CNTNAP2: variants seen among roughly 807,000 people sequenced by gnomAD.
CNTNAP2 encodes contactin associated protein 2, also known as contactin-associated protein-like 2.
CNTNAP2 carries 98 observed loss-of-function variants against 155.2 expected under a neutral mutation model. The ratio of observed to expected loss-of-function variants is 0.63; its 90% confidence interval spans 0.54 to 0.75. The LOEUF is 0.75. Ranked by LOEUF, CNTNAP2 falls within the 30% of genes least tolerant of loss-of-function variation. The probability of loss-of-function intolerance (pLI) is 0.00; values close to 1 mark genes in which losing one functional copy is unlikely to be tolerated. For missense variants in CNTNAP2, 1,727 were observed against 1,688.1 expected, an observed-to-expected ratio of 1.02 and a Z score of -0.40; for synonymous variants, 651 against 631.2, an observed-to-expected ratio of 1.03 and a Z score of -0.47.
intron 1 of CNTNAP2, among the ~76,000 whole-genome samples, chr7:146,475,205 G>A (rs1796860492): frequency 1.3e-5 from 2 of 152,158 alleles, no homozygotes; most frequent in Admixed American, 1.3e-4. Context: ...TATTGGGTAT[G>A]TTTTCTAGCT....
chr7:148,198,054 C>G (rs1476447358), intron 18 of CNTNAP2, among the ~76,000 whole-genome samples: 1 of 152,230 alleles, frequency 6.6e-6, no homozygotes, highest in African/African-American at 2.4e-5. Context: ...CATGGCGGAA[C>G]TGGAAAGTGA....
intron 15 of CNTNAP2, among the ~76,000 whole-genome samples, chr7:147,996,063 T>C (rs556461637): frequency 3.3e-4 from 50 of 152,336 alleles, no homozygotes; most frequent in Admixed American, 1.2e-3. Context: ...TGTTTCTACG[T>C]GCTAGCGAAA....
At chr7:146,633,212 TC>T (rs1464988783) in intron 1 of CNTNAP2, among the ~76,000 whole-genome samples, 5 of 152,216 alleles carry the variant, frequency 3.3e-5, no homozygotes, top group Non-Finnish European at 2.9e-5. Flanking sequence ...AAATTCAAGA[TC>T]TACCAAATAC....
At chr7:148,335,627 A>T (rs1250475671) in intron 21 of CNTNAP2, among the ~76,000 whole-genome samples, 1 of 152,202 alleles carries the variant, frequency 6.6e-6, no homozygotes, top group Non-Finnish European at 1.5e-5. Context: ...AAGAACTGAA[A>T]TGTGATGGCT....
At chr7:146,128,949 G>C (rs6949141) in intron 1 of CNTNAP2, among the ~76,000 whole-genome samples, 45,471 of 151,864 alleles carry the variant, frequency 0.3, 8,000 homozygotes, top group African/African-American at 0.49. Flanking sequence ...TATTTAAAGG[G>C]ACTGTTGTTT....
intron 17 of CNTNAP2, among the ~76,000 whole-genome samples, chr7:148,164,581 C>A (rs1805613229): frequency 6.6e-6 from 1 of 151,320 alleles, no homozygotes; most frequent in South Asian, 2.1e-4. Flanking sequence ...CAACGACACC[C>A]ATCCTAACTC....
intron 9 of CNTNAP2, among the ~76,000 whole-genome samples, chr7:147,316,035 T>A (rs1472519260): frequency 6.6e-6 from 1 of 152,104 alleles, no homozygotes; most frequent in Non-Finnish European, 1.5e-5. Flanking sequence ...TTCCACCTTT[T>A]GGCTATTATA....
At chr7:146,383,393 T>C (rs1385131988) in intron 1 of CNTNAP2, among the ~76,000 whole-genome samples, 1 of 152,160 alleles carries the variant, frequency 6.6e-6, no homozygotes, top group Admixed American at 6.5e-5. Context: ...GGAAAGGTCC[T>C]CAAAATGGGA....
At chr7:148,370,078 G>A (rs1194089780) in intron 21 of CNTNAP2, among the ~76,000 whole-genome samples, 1 of 152,130 alleles carries the variant, frequency 6.6e-6, no homozygotes, top group Non-Finnish European at 1.5e-5. Context: ...GACATATAAT[G>A]TGTCTTTGGG....
intron 1 of CNTNAP2, among the ~76,000 whole-genome samples, chr7:146,674,546 C>T (rs967359131): frequency 3.3e-5 from 5 of 151,970 alleles, no homozygotes; most frequent in Non-Finnish European, 4.4e-5. Context: ...TTCTTAGGTT[C>T]AGTGGCTGAG....
intron 1 of CNTNAP2, among the ~76,000 whole-genome samples, chr7:146,598,604 CT>C (rs950927795): frequency 4.6e-5 from 7 of 151,970 alleles, no homozygotes; most frequent in Non-Finnish European, 1.0e-4. Flanking sequence ...CACAGTTGTC[CT>C]TTTTTTCTGG....
At chr7:146,943,039 G>A (rs1360770843) in intron 3 of CNTNAP2, among the ~76,000 whole-genome samples, 2 of 152,136 alleles carry the variant, frequency 1.3e-5, no homozygotes, top group East Asian at 1.9e-4. Context: ...CTTGAACAAT[G>A]TGAGAATTAA....
At chr7:147,666,397 G>A (rs1795697580) in intron 13 of CNTNAP2, among the ~76,000 whole-genome samples, 1 of 152,174 alleles carries the variant, frequency 6.6e-6, no homozygotes. Flanking sequence ...TTACTCATGT[G>A]TGTGTGGTGA....
At chr7:147,391,128 C>G (rs981586587) in intron 9 of CNTNAP2, among the ~76,000 whole-genome samples, 3 of 152,136 alleles carry the variant, frequency 2.0e-5, no homozygotes, top group Non-Finnish European at 4.4e-5. Context: ...TTTGTGCCAT[C>G]CTCACACCAC....
chr7:147,354,262 G>A (rs1452819322), intron 9 of CNTNAP2, among the ~76,000 whole-genome samples: 1 of 152,016 alleles, frequency 6.6e-6, no homozygotes, highest in African/African-American at 2.4e-5. Context: ...GGTTTTTATG[G>A]TTTTAGGTCT....
chr7:146,721,964 C>A (rs1801344403), intron 1 of CNTNAP2, among the ~76,000 whole-genome samples: 1 of 145,222 alleles, frequency 6.9e-6, no homozygotes, highest in Non-Finnish European at 1.5e-5. Flanking sequence ...CTTCAGCTCA[C>A]TGCAACCTCC....
intron 1 of CNTNAP2, among the ~76,000 whole-genome samples, chr7:146,544,875 A>G (rs887117833): frequency 6.6e-6 from 1 of 151,896 alleles, no homozygotes; most frequent in African/African-American, 2.4e-5. Flanking sequence ...ATCACAGGGT[A>G]CTCTTGTAGC....
intron 11 of CNTNAP2, among the ~76,000 whole-genome samples, chr7:147,515,288 T>C (rs983162051): frequency 2.6e-5 from 4 of 151,734 alleles, no homozygotes; most frequent in African/African-American, 4.8e-5. Context: ...ATCTCCCTTA[T>C]CTGCTTTATT....
chr7:146,756,871 G>A (rs1802003694), intron 1 of CNTNAP2, among the ~76,000 whole-genome samples: 1 of 152,006 alleles, frequency 6.6e-6, no homozygotes, highest in Non-Finnish European at 1.5e-5. Context: ...AAACATTTGT[G>A]TTATAACACG....
Sources: allele counts gnomAD v4.1 joint callset (sites outside exome capture counted in the v4.1 genomes callset), GRCh38; gene constraint gnomAD v4.1.1; transcripts MANE v1.5; gene names NCBI Gene and HGNC (gene_info 2026-07-23, HGNC 2026-07-21).